The following KIAA1217 variants were observed in gnomAD, a reference collection of about 807,000 sequenced individuals.
The protein encoded by KIAA1217 is sickle tail protein homolog.
In KIAA1217, 88 loss-of-function variants were observed where a neutral mutation model predicts 163.9. The observed-to-expected ratio is 0.54, with a 90% CI of 0.45 to 0.64. The LOEUF (loss-of-function observed/expected upper bound fraction) is 0.64. Among genes scored for constraint, KIAA1217 ranks in the 30% least tolerant of loss-of-function variants. The probability of loss-of-function intolerance (pLI) is 0.00; values close to 1 mark genes in which losing one functional copy is unlikely to be tolerated. For synonymous variants in KIAA1217, 903 were observed against 923.1 expected (o/e 0.98, Z 0.39); for missense variants, 2,372 against 2,475.0 (o/e 0.96, Z 0.88).
chr10:24,066,610 A>G (rs1490918848), intron 2 of KIAA1217, among the ~76,000 whole-genome samples: 1 of 152,048 alleles, frequency 6.6e-6, no homozygotes, highest in East Asian at 1.9e-4. Context: ...TGAATCTGAC[A>G]ATTATGTGTC....
intron 1 of KIAA1217, among the ~76,000 whole-genome samples, chr10:23,972,546 A>G (rs1008344219): frequency 1.3e-5 from 2 of 152,030 alleles, no homozygotes; most frequent in African/African-American, 4.8e-5. Flanking sequence ...CTCACTCACT[A>G]TAAATAAATA....
chr10:24,103,552 A>G (rs1457106337), intron 2 of KIAA1217, among the ~76,000 whole-genome samples: 2 of 152,218 alleles, frequency 1.3e-5, no homozygotes, highest in Admixed American at 1.3e-4. Context: ...AAACCCAACA[A>G]TAATAAGACA....
At chr10:24,179,314 A>T (rs987851879) in intron 2 of KIAA1217, among the ~76,000 whole-genome samples, 1 of 152,100 alleles carries the variant, frequency 6.6e-6, no homozygotes, top group Non-Finnish European at 1.5e-5. Flanking sequence ...TGATTGGATC[A>T]TGGGGGTGGT....
intron 1 of KIAA1217, among the ~76,000 whole-genome samples, chr10:23,998,065 A>G (rs1054549883): frequency 5.9e-5 from 9 of 151,918 alleles, no homozygotes; most frequent in African/African-American, 2.2e-4. Context: ...ATGTCCTCTC[A>G]ACTATTTTCA....
intron 1 of KIAA1217, among the ~76,000 whole-genome samples, chr10:23,861,868 G>A (rs1468947758): frequency 6.6e-6 from 1 of 152,174 alleles, no homozygotes; most frequent in African/African-American, 2.4e-5. Flanking sequence ...GAGCCTCAGA[G>A]CAGAGAAATC....
intron 3 of KIAA1217, among the ~76,000 whole-genome samples, chr10:24,391,333 C>CTTTTTTTTTTTTTTTTTT (rs768727392): frequency 1.0e-4 from 3 of 29,888 alleles, no homozygotes; most frequent in African/African-American, 2.6e-4. Flanking sequence ...TTCTTTCTTT[C>CTTTTTTTTTTTTTTTTTT]TTTTTTTTTT....
chr10:23,824,658 A>ATTATATATATATAT (rs1379535101), intron 1 of KIAA1217, among the ~76,000 whole-genome samples: 11 of 53,048 alleles, frequency 2.1e-4, no homozygotes, highest in African/African-American at 7.2e-4. Flanking sequence ...AAATAAAAAA[A>ATTATATATATATAT]ATATATATAT....
chr10:24,290,616 T>G (rs553556756), intron 2 of KIAA1217, among the ~76,000 whole-genome samples: 1 of 152,060 alleles, frequency 6.6e-6, no homozygotes, highest in African/African-American at 2.4e-5. Context: ...TCTTTTTTTT[T>G]TTTTTCAGAC....
At chr10:23,990,022 C>T (rs1846150016) in intron 1 of KIAA1217, among the ~76,000 whole-genome samples, 2 of 152,218 alleles carry the variant, frequency 1.3e-5, no homozygotes, top group Non-Finnish European at 2.9e-5. Flanking sequence ...GTACTATTCT[C>T]ACATGTCCCA....
intron 1 of KIAA1217, among the ~76,000 whole-genome samples, chr10:24,209,662 G>T (rs979189836): frequency 2.0e-5 from 3 of 152,182 alleles, no homozygotes; most frequent in African/African-American, 7.2e-5. Context: ...TTCATTGGTT[G>T]GGGGATTCCA....
intron 6 of KIAA1217, chr10:24,481,074 C>T (rs969028306): frequency 2.0e-5 from 3 of 150,736 alleles, no homozygotes; most frequent in Non-Finnish European, 4.4e-5. Context: ...TGATTCAGCT[C>T]TTGTCTGAAT....
intron 2 of KIAA1217, among the ~76,000 whole-genome samples, chr10:24,239,691 G>T (rs932942154): frequency 9.7e-5 from 13 of 133,338 alleles, no homozygotes; most frequent in Non-Finnish European, 1.4e-4. Context: ...GTGTGTGTGT[G>T]TGTGTTTGTG....
chr10:24,048,828 C>T (rs994935807), intron 2 of KIAA1217, among the ~76,000 whole-genome samples: 3 of 151,528 alleles, frequency 2.0e-5, no homozygotes, highest in African/African-American at 4.9e-5. Context: ...GTCAGGGGTT[C>T]GAGACCAGCC....
intron 2 of KIAA1217, among the ~76,000 whole-genome samples, chr10:24,036,685 AG>A (rs1848407463): frequency 6.6e-6 from 1 of 152,118 alleles, no homozygotes; most frequent in South Asian, 2.1e-4. Context: ...GAGAGACGGG[AG>A]GGCCCCGACC....
intron 1 of KIAA1217, among the ~76,000 whole-genome samples, chr10:23,736,120 G>A (rs1838782344): frequency 6.7e-6 from 1 of 148,228 alleles, no homozygotes; most frequent in Non-Finnish European, 1.5e-5. Context: ...TAATTTTAAG[G>A]TAGTCAAATG....
At position 24,444,644 on chromosome 10, in the gene KIAA1217, A is replaced by T. The variant is rs923024520; in HGVS notation, c.846+6165A>T. On this transcript the variant is annotated intron_variant, in intron 5 of 20. Coordinates refer to ENST00000376454, the MANE Select transcript of KIAA1217 (RefSeq NM_019590.5). ...GAGTGTCCTACTGATGGTCCTACAA[A>T]TGCCATATTATTCATTTTCTATCAT... Among the ~76,000 whole-genome samples the T allele has an allele frequency of 3.3e-5, 5 of 152,316 alleles. No individual in the cohort carries two copies. In the Middle Eastern group the frequency reaches 0.01, roughly 311 times the overall value.
rs117828003 is a variant in KIAA1217 at position 24,315,207 on chromosome 10, G to A, written c.355-65662G>A. Among the ~76,000 whole-genome samples, 1,166 of 152,264 alleles carry A rather than the reference G, an allele frequency of 7.7e-3. 6 individuals are homozygous for A. Among genetic ancestry groups the A allele is most frequent in the Non-Finnish European group, 0.012 (810 of 68,018 alleles). On this transcript the variant is annotated intron_variant, in intron 2 of 20. Transcript: ENST00000376454. ...AACATGTTCAGTTGCCTCAGCTGCT[G>A]ATGTTCAAAATACCTGCAGAAAATC... is the stretch of plus-strand genomic sequence containing the variant.
intron 2 of KIAA1217, among the ~76,000 whole-genome samples, chr10:24,307,457 C>G (rs2042126665): frequency 6.6e-6 from 1 of 152,098 alleles, no homozygotes; most frequent in Non-Finnish European, 1.5e-5. Context: ...ACCCTTCACT[C>G]CCTTCATGCC....
At chr10:24,235,867 T>A (rs531346216) in intron 2 of KIAA1217, among the ~76,000 whole-genome samples, 31 of 152,300 alleles carry the variant, frequency 2.0e-4, no homozygotes, top group African/African-American at 7.2e-4. Context: ...ACTAAATAAA[T>A]CCTTTCAGCA....
Sources: allele counts gnomAD v4.1 joint callset (sites outside exome capture counted in the v4.1 genomes callset), GRCh38; gene constraint gnomAD v4.1.1; transcripts MANE v1.5; gene names NCBI Gene and HGNC (gene_info 2026-07-23, HGNC 2026-07-21).